The following PALM variants were observed in gnomAD, a reference collection of about 807,000 sequenced individuals.
The protein encoded by PALM is paralemmin.
Under a neutral mutation model 30.7 loss-of-function variants are expected in PALM, and 18 were observed. The observed-to-expected ratio is 0.59, with a 90% CI of 0.41 to 0.87. PALM has a LOEUF of 0.87. Among genes scored for constraint, PALM ranks in the 40% least tolerant of loss-of-function variants. PALM has a pLI of 0.00. For missense variants in PALM, 529 were observed against 555.4 expected (o/e 0.95, Z 0.48); for synonymous variants, 286 against 242.8 (o/e 1.18, Z -1.66).
rs184338844 is a variant in PALM, at chr19:712,998, G to A, written c.5+3847G>A. On this transcript the variant is annotated intron_variant, in intron 1 of 8. Transcript: ENST00000338448. ...GCCCACTCCCTTGATCCTTACAGAA[G>A]CCCTGCGAGAGAGGGAAACTGAGGT... Among the ~76,000 whole-genome samples, 20 of 152,274 alleles carry A rather than the reference G, an allele frequency of 1.3e-4. 1 individual carries two copies. In the East Asian group the frequency reaches 3.9e-3, roughly 29 times the overall value.
chr19:730,663 T>G (rs2032840667), intron 4 of PALM, among the ~76,000 whole-genome samples: 1 of 152,110 alleles, frequency 6.6e-6, no homozygotes, highest in Non-Finnish European at 1.5e-5. Context: ...TCCCCCATCA[T>G]GAAAGAGCAC....
At chr19:712,096 C>T (rs538231374) in intron 1 of PALM, among the ~76,000 whole-genome samples, 1 of 152,120 alleles carries the variant, frequency 6.6e-6, no homozygotes, top group Non-Finnish European at 1.5e-5. Flanking sequence ...GATCTCCACT[C>T]ACTGCAACCT....
intron 4 of PALM, among the ~76,000 whole-genome samples, chr19:728,760 T>G (rs555769918): frequency 6.6e-6 from 1 of 151,978 alleles, no homozygotes; most frequent in South Asian, 2.1e-4. Context: ...TCCTGGCACT[T>G]TGGGAGACCG....
intron 1 of PALM, among the ~76,000 whole-genome samples, chr19:725,345 G>C (rs2032624896): frequency 6.7e-6 from 1 of 149,906 alleles, no homozygotes; most frequent in South Asian, 2.1e-4. Flanking sequence ...GATCACCTGA[G>C]GTCAGGAGTT....
At position 727,102 on chromosome 19, in the gene PALM, A is replaced by G; in HGVS notation, c.138+14A>G. 1 of 1,502,788 alleles carries G rather than the reference A, an allele frequency of 6.7e-7. No homozygotes were observed. 93.1% of individuals were successfully genotyped at this position (1,502,788 alleles called of 1,614,324 possible). A position where few individuals can be genotyped will look rare whatever the true frequency, so the allele number is the denominator to read the frequency against. ...CAGCACCTGAAGGTACGAGCGGGGC[A>G]GGGACCCAGGGTCAGGGAGTGCAGG... On this transcript the variant is annotated intron_variant, in intron 3 of 8. Coordinates refer to ENST00000338448, the MANE Select transcript of PALM (RefSeq NM_002579.3).
intron 1 of PALM, among the ~76,000 whole-genome samples, chr19:725,452 T>C (rs555503797): frequency 2.5e-3 from 388 of 152,182 alleles, no homozygotes; most frequent in Middle Eastern, 6.8e-3. Context: ...TCCCAGCTAC[T>C]CAGGAAGCTG....
chr19:727,331 T>C (rs2144882297), intron 3 of PALM, among the ~76,000 whole-genome samples: 1 of 138,204 alleles, frequency 7.2e-6, no homozygotes, highest in Admixed American at 7.4e-5. Flanking sequence ...GTCCTGACTC[T>C]GACCCTGACC....
chr19:726,148 G>A lies in PALM; in HGVS notation c.16G>A (p.Ala6Thr). The A allele has an allele frequency of 6.2e-7, 1 of 1,613,040 alleles. No homozygotes were observed. The highest frequency in any genetic ancestry group is 8.5e-7 in the Non-Finnish European group (1 of 1,179,492). Reference sequence around the variant, plus strand: ...ATCTCCCTCCCGCAGGGTCCTGGCGGCAGAGACCACGTCCCAGCAGGAGCG... The same window carrying A: ...ATCTCCCTCCCGCAGGGTCCTGGCGACAGAGACCACGTCCCAGCAGGAGCG... MEVLAAETTSQQERLQ... is the reference protein window; with the variant it reads MEVLATETTSQQERLQ... Residue 6 changes from alanine to threonine, a missense_variant, in exon 2 of 9, where the codon GCA becomes ACA. Physicochemically the swap from Ala to Thr is moderately conservative, Grantham distance 58. Coordinates refer to ENST00000338448, the MANE Select transcript of PALM (RefSeq NM_002579.3).
At position 714,643 on chromosome 19, in the gene PALM, C is replaced by T. The variant is rs563535248; in HGVS notation, c.5+5492C>T. Among the ~76,000 whole-genome samples, 24 of 152,006 alleles carry T rather than the reference C, an allele frequency of 1.6e-4. No individual in the cohort carries two copies. In the South Asian group the frequency reaches 3.7e-3, roughly 24 times the overall value. ...AAAGTGCTGGGATTACAGGCGTGAGCCACCGCGCCCAGCCTTCTTTTTTTT... is the reference window on the plus strand; with the variant it reads ...AAAGTGCTGGGATTACAGGCGTGAGTCACCGCGCCCAGCCTTCTTTTTTTT... On this transcript the variant is annotated intron_variant, in intron 1 of 8. Coordinates refer to ENST00000338448, the MANE Select transcript of PALM (RefSeq NM_002579.3).
At chr19:733,057 T>C (rs1446184506) in intron 5 of PALM, among the ~76,000 whole-genome samples, 1 of 152,010 alleles carries the variant, frequency 6.6e-6, no homozygotes, top group Non-Finnish European at 1.5e-5. Context: ...CTCCTAAGTA[T>C]CTGGGATTGC....
intron 1 of PALM, among the ~76,000 whole-genome samples, chr19:716,409 C>T (rs1451106398): frequency 2.3e-5 from 3 of 132,922 alleles, no homozygotes; most frequent in Non-Finnish European, 1.7e-5. Flanking sequence ...GACTCTTTCT[C>T]TCAAAAAAAA....
intron 8 of PALM, among the ~76,000 whole-genome samples, chr19:743,181 C>T (rs947384907): frequency 3.3e-5 from 5 of 152,156 alleles, no homozygotes; most frequent in Admixed American, 6.6e-5. Context: ...GAGGGGTCCC[C>T]GCAGCCCAGC....
intron 8 of PALM, 44 bp downstream of exon 8, chr19:740,527 G>T: frequency 6.6e-7 from 1 of 1,522,992 alleles, no homozygotes; most frequent in Non-Finnish European, 8.9e-7. Flanking sequence ...CTGGGCCAGA[G>T]CCCCGAACAC....
intron 1 of PALM, among the ~76,000 whole-genome samples, chr19:720,154 C>A (rs1338133489): frequency 6.6e-6 from 1 of 151,936 alleles, no homozygotes; most frequent in Non-Finnish European, 1.5e-5. Context: ...AGCCTCGGCC[C>A]CCCCCAATCC....
At chr19:739,752 G>T (rs1384941677) in intron 7 of PALM, among the ~76,000 whole-genome samples, 1 of 152,080 alleles carries the variant, frequency 6.6e-6, no homozygotes, top group Non-Finnish European at 1.5e-5. Flanking sequence ...AAGGCAGGTG[G>T]ATCACCTGAG....
chr19:735,940 G>A (rs2033010128), intron 6 of PALM, 79 bp from the exon 7 acceptor site: 2 of 1,187,208 alleles, frequency 1.7e-6, no homozygotes, highest in East Asian at 5.0e-5. Flanking sequence ...TTCTGTGAAG[G>A]GGCGTTGGGC....
intron 4 of PALM, among the ~76,000 whole-genome samples, chr19:728,502 G>A (rs2032765747): frequency 6.6e-6 from 1 of 152,154 alleles, no homozygotes; most frequent in Admixed American, 6.6e-5. Context: ...TCCCTCCTGG[G>A]CAGGGCGTGT....
chr19:715,971 G>A (rs538930696), intron 1 of PALM, among the ~76,000 whole-genome samples: 1 of 152,244 alleles, frequency 6.6e-6, no homozygotes, highest in African/African-American at 2.4e-5. Flanking sequence ...ACGTCTTGGT[G>A]TCTGAGGAGT....
chr19:720,643 G>T (rs2032445666), intron 1 of PALM, among the ~76,000 whole-genome samples: 2 of 150,092 alleles, frequency 1.3e-5, no homozygotes, highest in South Asian at 4.2e-4. Context: ...TGACTGCGGG[G>T]GCCAGGGGGG....
Sources: allele counts gnomAD v4.1 joint callset (sites outside exome capture counted in the v4.1 genomes callset), GRCh38; gene constraint gnomAD v4.1.1; transcripts MANE v1.5; gene names NCBI Gene and HGNC (gene_info 2026-07-23, HGNC 2026-07-21).